Variants in PKP4 observed in about 807,000 individuals in gnomAD.
PKP4 encodes the protein plakophilin 4, also known as plakophilin-4.
PKP4 carries 90 observed loss-of-function variants against 145.1 expected under a neutral mutation model. The ratio of observed to expected loss-of-function variants is 0.62; its 90% CI spans 0.52 to 0.74. The LOEUF (loss-of-function observed/expected upper bound fraction) is 0.74. Ranked by LOEUF, PKP4 falls within the 30% of genes least tolerant of loss-of-function variation. The pLI is 0.00. For synonymous variants in PKP4, 563 were observed against 577.2 expected (o/e 0.98, Z 0.35); for missense variants, 1,340 against 1,482.7 (o/e 0.90, Z 1.58).
chr2:158,598,457 A>G (rs2049954431), intron 3 of PKP4, among the ~76,000 whole-genome samples: 1 of 152,166 alleles, frequency 6.6e-6, no homozygotes, highest in African/African-American at 2.4e-5. Context: ...CAACTTAAGT[A>G]AAACATTTTT....
At position 158,617,891 on chromosome 2, in the gene PKP4, A is replaced by C. The variant is rs115291736; in HGVS notation, c.281-3099A>C. 6.8e-3 allele frequency among the ~76,000 whole-genome samples: 1,038 copies of C among 152,344 alleles called. 17 individuals are homozygous for C. The highest frequency in any genetic ancestry group is 0.024 in the African/African-American group (991 of 41,586). Reference sequence around the variant, plus strand: ...TGGGCTCTACTAAGGAAACAGAAAAATAACTGAATGGCCGAGCACAATGGC... The same window carrying C: ...TGGGCTCTACTAAGGAAACAGAAAACTAACTGAATGGCCGAGCACAATGGC... On this transcript the variant is annotated intron_variant, in intron 4 of 21. Coordinates refer to ENST00000389759, the MANE Select transcript of PKP4 (RefSeq NM_003628.6).
At chr2:158,533,058 A>C in intron 1 of PKP4, 122 bp from the exon 2 acceptor site, 1 of 976,130 alleles carries the variant, frequency 1.0e-6, no homozygotes. Context: ...GCAATTTCAC[A>C]AGTTTTTGAT....
chr2:158,519,761 C>CGA (rs1282295711), intron 1 of PKP4, among the ~76,000 whole-genome samples: 1 of 152,168 alleles, frequency 6.6e-6, no homozygotes, highest in African/African-American at 2.4e-5. Flanking sequence ...TCTATTATTT[C>CGA]ATGGAGTTGT....
Position 158,466,340 on chromosome 2 carries a change from T to A in PKP4, c.-6+9122T>A, listed in dbSNP as rs537836917. ...TCAAAGGAAAAAACTATTTAGACTT[T>A]AAAAAAATGCTTTTCTAATACAACT... On this transcript the variant is annotated intron_variant, in intron 1 of 21. Transcript: ENST00000389759. Among the ~76,000 whole-genome samples the A allele has an allele frequency of 3.9e-5, 6 of 152,142 alleles. No individual in the cohort carries two copies. The South Asian group carries it at 1.2e-3, about 32-fold the overall frequency.
At chr2:158,666,651 T>A (rs2057112865) in intron 16 of PKP4, 88 bp downstream of exon 16, 1 of 1,108,626 alleles carries the variant, frequency 9.0e-7, no homozygotes, top group Non-Finnish European at 1.3e-6. Flanking sequence ...ATATATGGCT[T>A]GTAAAATCAT....
intron 11 of PKP4, among the ~76,000 whole-genome samples, chr2:158,653,139 T>A (rs1041794086): frequency 6.6e-6 from 1 of 152,192 alleles, no homozygotes; most frequent in Non-Finnish European, 1.5e-5. Flanking sequence ...TTGAATGCTG[T>A]CTAAAAATGA....
intron 2 of PKP4, among the ~76,000 whole-genome samples, chr2:158,552,400 T>G (rs1421449486): frequency 6.6e-6 from 1 of 152,164 alleles, no homozygotes; most frequent in African/African-American, 2.4e-5. Context: ...TACTACAGAG[T>G]TTGGCATCAG....
intron 1 of PKP4, among the ~76,000 whole-genome samples, chr2:158,504,262 C>T (rs2105505402): frequency 6.6e-6 from 1 of 152,240 alleles, no homozygotes; most frequent in Admixed American, 6.5e-5. Flanking sequence ...ATTAGGAAGT[C>T]AATATAAACA....
Position 158,658,158 on chromosome 2 carries a change from A to G in PKP4, c.1937A>G (p.Asp646Gly). 5 of 1,604,648 alleles carry G rather than the reference A, an allele frequency of 3.1e-6. No individual in the cohort carries two copies. Among genetic ancestry groups the G allele is most frequent in the Non-Finnish European group, 4.3e-6 (5 of 1,173,086 alleles). The change falls in exon 12 of 22, where the codon GAT becomes GGT. Residue 646 changes from aspartate to glycine, a missense_variant. Asp to Gly is a moderately conservative substitution (Grantham distance 94). Coordinates refer to ENST00000389759, the MANE Select transcript of PKP4 (RefSeq NM_003628.6). ...TGVLWNLSSC[D>G]AVKMTIIRDA... is the part of the protein sequence containing the mutation. ...GTTCTTTGGAATTTATCCTCATGTG[A>G]TGCTGTAAAAATGACAATCATTCGA...
chr2:158,522,037 TTC>T (rs1170073033), intron 1 of PKP4, among the ~76,000 whole-genome samples: 5 of 152,206 alleles, frequency 3.3e-5, no homozygotes, highest in African/African-American at 4.8e-5. Flanking sequence ...ATCAACATTT[TTC>T]TGAGTGTTCA....
chr2:158,480,078 T>C (rs1328012032), intron 1 of PKP4, among the ~76,000 whole-genome samples: 2 of 152,216 alleles, frequency 1.3e-5, no homozygotes. Flanking sequence ...ATCTGTCCCA[T>C]ATCCCTAGGT....
chr2:158,542,022 A>T (rs2105664603), intron 2 of PKP4, among the ~76,000 whole-genome samples: 1 of 152,274 alleles, frequency 6.6e-6, no homozygotes. Flanking sequence ...CAAAGTTGAC[A>T]TGAGCCATGA....
intron 2 of PKP4, among the ~76,000 whole-genome samples, chr2:158,533,830 A>G (rs1472604638): frequency 2.6e-5 from 4 of 152,142 alleles, no homozygotes; most frequent in African/African-American, 7.2e-5. Context: ...GTTTGCTTCA[A>G]TGTCATGTTT....
At chr2:158,677,346 G>T in intron 20 of PKP4, 1 of 214,074 alleles carries the variant, frequency 4.7e-6, no homozygotes, top group Non-Finnish European at 9.6e-6. Context: ...ATAGCAAAAG[G>T]TATAATGTGA....
At chr2:158,523,848 G>C (rs1350161674) in intron 1 of PKP4, among the ~76,000 whole-genome samples, 2 of 140,486 alleles carry the variant, frequency 1.4e-5, no homozygotes, top group Non-Finnish European at 3.0e-5. Flanking sequence ...GAAGCCTCAG[G>C]AGCCGATGTG....
chr2:158,610,346 T>C (rs1012993598), intron 4 of PKP4, among the ~76,000 whole-genome samples: 1 of 152,148 alleles, frequency 6.6e-6, no homozygotes, highest in Admixed American at 6.6e-5. Context: ...CATCAAAATT[T>C]GAGGTAACTT....
intron 11 of PKP4, among the ~76,000 whole-genome samples, chr2:158,649,792 A>G (rs991484657): frequency 2.6e-5 from 4 of 152,194 alleles, no homozygotes; most frequent in African/African-American, 9.6e-5. Flanking sequence ...TCAGTTGACT[A>G]GACGTCCTAC....
chr2:158,661,621 A>G (rs1396058331), intron 13 of PKP4, 171 bp downstream of exon 13: 2 of 523,246 alleles, frequency 3.8e-6, no homozygotes, highest in African/African-American at 1.9e-5. Flanking sequence ...GGACGTGGCA[A>G]CTTAAGAAAA....
intron 19 of PKP4, among the ~76,000 whole-genome samples, chr2:158,674,714 C>T (rs2057858270): frequency 6.6e-6 from 1 of 152,212 alleles, no homozygotes; most frequent in Non-Finnish European, 1.5e-5. Context: ...CAGATTATTA[C>T]TGCCAAGCCA....
Sources: gnomAD v4.1 joint callset for allele counts (sites outside exome capture counted in the v4.1 genomes callset) on GRCh38, gnomAD v4.1.1 for gene constraint, MANE v1.5 for transcripts, NCBI Gene and HGNC (gene_info 2026-07-23, HGNC 2026-07-21) for gene names.